Variants in OPCML observed in about 807,000 individuals in gnomAD.
The protein encoded by OPCML is opioid binding protein/cell adhesion molecule like, also known as opioid-binding protein/cell adhesion molecule.
A neutral mutation model predicts 37.8 loss-of-function variants in OPCML; 13 were observed. The ratio of observed to expected loss-of-function variants is 0.34; its 90% CI spans 0.22 to 0.55. The LOEUF is 0.55. Ranked by LOEUF, OPCML falls within the 20% of genes least tolerant of loss-of-function variation. The pLI, the probability that OPCML is intolerant of heterozygous loss-of-function variation, is 0.91. For missense variants in OPCML, 341 were observed against 435.6 expected (o/e 0.78, Z 1.93); for synonymous variants, 176 against 168.8 (o/e 1.04, Z -0.33).
chr11:133,131,814 A>C (rs1381866584), intron 1 of OPCML, among the ~76,000 whole-genome samples: 2 of 152,178 alleles, frequency 1.3e-5, no homozygotes, highest in Non-Finnish European at 2.9e-5. Flanking sequence ...TTTTGTCTTT[A>C]TATGGACAAC....
intron 4 of OPCML, among the ~76,000 whole-genome samples, chr11:132,448,247 C>T (rs143580002): frequency 6.6e-6 from 1 of 152,300 alleles, no homozygotes; most frequent in Non-Finnish European, 1.5e-5. Flanking sequence ...TCTCTTTTAT[C>T]CTTTCCCTAT....
chr11:133,211,107 G>T lies in OPCML; in HGVS notation c.62-268097C>A, dbSNP rs1392616802. 6.6e-6 allele frequency among the ~76,000 whole-genome samples: 1 copy of T among 152,194 alleles called. No individual in the cohort carries two copies. The highest frequency in any genetic ancestry group is 1.5e-5 in the Non-Finnish European group (1 of 68,038). On this transcript the variant is annotated intron_variant, in intron 1 of 7. Transcript: ENST00000524381. This position sits in a 1 kb window ranked among gnomAD's most constrained non-coding sequence, Gnocchi z 4.1. ...CATTCAAAACAGAGGCTTGCCCACTGCAACTCAGCTTTCTAATCATTCGTG... is the reference window on the plus strand; with the variant it reads ...CATTCAAAACAGAGGCTTGCCCACTTCAACTCAGCTTTCTAATCATTCGTG...
chr11:133,446,530 T>G (rs957714671), intron 1 of OPCML, among the ~76,000 whole-genome samples: 1 of 152,234 alleles, frequency 6.6e-6, no homozygotes, highest in Admixed American at 6.5e-5. Flanking sequence ...GCTCAAGGGA[T>G]CCTCCCACCT....
intron 1 of OPCML, among the ~76,000 whole-genome samples, chr11:133,044,361 T>C (rs768211251): frequency 6.6e-6 from 1 of 152,190 alleles, no homozygotes; most frequent in Non-Finnish European, 1.5e-5. Context: ...CAATGCTTTG[T>C]AAGCTATGAC....
chr11:133,494,111 C>T (rs1947727253), intron 1 of OPCML, among the ~76,000 whole-genome samples: 2 of 151,240 alleles, frequency 1.3e-5, no homozygotes. Context: ...CAAAAAAACA[C>T]ATAAAAAAAT....
chr11:133,043,278 A>T (rs1336108216), intron 1 of OPCML, among the ~76,000 whole-genome samples: 4 of 152,246 alleles, frequency 2.6e-5, no homozygotes, highest in African/African-American at 9.6e-5. Context: ...TTTGACTTGA[A>T]ACTGGCCTAA....
intron 2 of OPCML, among the ~76,000 whole-genome samples, chr11:132,795,919 A>G (rs1428475149): frequency 6.6e-6 from 1 of 152,214 alleles, no homozygotes; most frequent in Non-Finnish European, 1.5e-5. Flanking sequence ...CTCCACATCC[A>G]TGGATTCAAC....
At chr11:132,697,441 C>T (rs1943638832) in intron 2 of OPCML, among the ~76,000 whole-genome samples, 1 of 152,134 alleles carries the variant, frequency 6.6e-6, no homozygotes, top group African/African-American at 2.4e-5. Context: ...TGCTTCCCTC[C>T]TCCTCCAGTC....
chr11:132,577,307 C>T (rs1443272711), intron 3 of OPCML, among the ~76,000 whole-genome samples: 2 of 152,110 alleles, frequency 1.3e-5, no homozygotes, highest in Non-Finnish European at 2.9e-5. Flanking sequence ...AGCAAAATAC[C>T]AACCATTGTC....
At chr11:133,522,318 G>A (rs1027195361) in intron 1 of OPCML, among the ~76,000 whole-genome samples, 2 of 152,160 alleles carry the variant, frequency 1.3e-5, no homozygotes, top group Non-Finnish European at 1.5e-5. Flanking sequence ...GTCATGGTGC[G>A]TAGACCAAAC....
intron 1 of OPCML, among the ~76,000 whole-genome samples, chr11:133,290,697 C>T (rs1029859634): frequency 6.6e-6 from 1 of 152,196 alleles, no homozygotes; most frequent in Non-Finnish European, 1.5e-5. Context: ...CCCCAGAAGC[C>T]CAGGAGCCCA....
chr11:132,850,524 T>C (rs903952953), intron 2 of OPCML, among the ~76,000 whole-genome samples: 2 of 151,286 alleles, frequency 1.3e-5, no homozygotes, highest in African/African-American at 4.8e-5. Context: ...AGGGTGTGTG[T>C]GTGTGTGTGT....
At chr11:132,734,154 C>T (rs1945176366) in intron 2 of OPCML, among the ~76,000 whole-genome samples, 1 of 152,042 alleles carries the variant, frequency 6.6e-6, no homozygotes. Context: ...TGATAGGAAA[C>T]ACATATACAC....
intron 1 of OPCML, among the ~76,000 whole-genome samples, chr11:133,115,125 G>A (rs1016806423): frequency 1.3e-5 from 2 of 152,156 alleles, no homozygotes; most frequent in Non-Finnish European, 2.9e-5. Context: ...CCATATATCT[G>A]CACCCACTTG....
At chr11:132,978,918 A>AGTT (rs1946524157) in intron 1 of OPCML, among the ~76,000 whole-genome samples, 1 of 152,172 alleles carries the variant, frequency 6.6e-6, no homozygotes, top group African/African-American at 2.4e-5. Flanking sequence ...GTAGGCATCT[A>AGTT]AAATTGAACA....
chr11:133,037,236 G>A (rs1947799312), intron 1 of OPCML, among the ~76,000 whole-genome samples: 1 of 152,204 alleles, frequency 6.6e-6, no homozygotes, highest in Non-Finnish European at 1.5e-5. Context: ...TCACCACTGT[G>A]AGGATGAGGA....
chr11:132,613,685 A>G (rs569556901), intron 3 of OPCML, among the ~76,000 whole-genome samples: 8 of 152,234 alleles, frequency 5.3e-5, no homozygotes, highest in Non-Finnish European at 1.2e-4. Flanking sequence ...GAGGGGCAGC[A>G]TATAACACCT....
intron 2 of OPCML, among the ~76,000 whole-genome samples, chr11:132,862,617 C>G (rs1470019269): frequency 6.6e-6 from 1 of 152,272 alleles, no homozygotes; most frequent in East Asian, 1.9e-4. Flanking sequence ...GCCCAGCATC[C>G]TAGCTAGGAC....
At chr11:133,219,083 A>C (rs1939705934) in intron 1 of OPCML, among the ~76,000 whole-genome samples, 2 of 152,112 alleles carry the variant, frequency 1.3e-5, no homozygotes, top group Non-Finnish European at 2.9e-5. Context: ...AGCTGCCTTG[A>C]CCATTATCAT....
Sources: allele counts gnomAD v4.1 joint callset (sites outside exome capture counted in the v4.1 genomes callset), GRCh38; gene constraint gnomAD v4.1.1; non-coding constraint Gnocchi (gnomAD v3.1); transcripts MANE v1.5; gene names NCBI Gene and HGNC (gene_info 2026-07-23, HGNC 2026-07-21).